CLIC4: variants seen among roughly 807,000 people sequenced by gnomAD.
The protein encoded by CLIC4 is CLIC family member 4, also known as chloride intracellular channel protein 4.
A neutral mutation model predicts 24.6 loss-of-function variants in CLIC4; 13 were observed. The ratio of observed to expected loss-of-function variants is 0.53; its 90% CI spans 0.34 to 0.84. CLIC4 has a LOEUF of 0.84. Among genes scored for constraint, CLIC4 ranks in the 40% least tolerant of loss-of-function variants. The pLI is 0.01. For missense variants in CLIC4, 227 were observed against 301.7 expected (o/e 0.75, Z 1.83); for synonymous variants, 104 against 111.3 (o/e 0.93, Z 0.41).
chr1:24,840,699 C>T, intron 5 of CLIC4, 74 bp from the exon 6 acceptor site: 1 of 1,269,198 alleles, frequency 7.9e-7, no homozygotes. Flanking sequence ...ATTATTTGCT[C>T]CAAAATCAGA....
chr1:24,786,302 G>T (rs1347708555), intron 1 of CLIC4, among the ~76,000 whole-genome samples: 1 of 152,248 alleles, frequency 6.6e-6, no homozygotes, highest in Non-Finnish European at 1.5e-5. Flanking sequence ...TAAGTGAGCA[G>T]TTCCTTAATC....
chr1:24,776,503 A>T (rs922500304), intron 1 of CLIC4, among the ~76,000 whole-genome samples: 4 of 152,220 alleles, frequency 2.6e-5, no homozygotes, highest in African/African-American at 9.6e-5. Context: ...AGAAGACTCA[A>T]ACTTATTTTT....
At chr1:24,754,838 G>T (rs1263906930) in intron 1 of CLIC4, among the ~76,000 whole-genome samples, 1 of 152,002 alleles carries the variant, frequency 6.6e-6, no homozygotes, top group Admixed American at 6.6e-5. Flanking sequence ...TTGGGAGACC[G>T]AGGTGGGTGG....
At chr1:24,772,471 G>A (rs993243109) in intron 1 of CLIC4, among the ~76,000 whole-genome samples, 8 of 152,068 alleles carry the variant, frequency 5.3e-5, no homozygotes, top group African/African-American at 9.7e-5. Flanking sequence ...TAATTTTTGC[G>A]GAAACTAATT....
intron 3 of CLIC4, among the ~76,000 whole-genome samples, chr1:24,821,206 AAAAG>A (rs1639728063): frequency 1.3e-5 from 2 of 151,994 alleles, no homozygotes; most frequent in African/African-American, 4.8e-5. Context: ...AGGAAAAAAA[AAAAG>A]AATTTTCATT....
chr1:24,786,591 A>C (rs1421428243), intron 1 of CLIC4, among the ~76,000 whole-genome samples: 3 of 152,168 alleles, frequency 2.0e-5, no homozygotes, highest in Admixed American at 1.3e-4. Context: ...TTTTCTCTTT[A>C]ATCATTCGAG....
At chr1:24,768,903 C>CAA (rs71032856) in intron 1 of CLIC4, among the ~76,000 whole-genome samples, 1 of 107,282 alleles carries the variant, frequency 9.3e-6, no homozygotes, top group Non-Finnish European at 1.9e-5. Context: ...TCTGCCTCAC[C>CAA]AAAAAAAAAA....
chr1:24,805,299 A>G (rs1294372807), intron 2 of CLIC4, among the ~76,000 whole-genome samples: 1 of 152,108 alleles, frequency 6.6e-6, no homozygotes, highest in Non-Finnish European at 1.5e-5. Flanking sequence ...CTTAGTGACA[A>G]GGGGTCTTGG....
intron 1 of CLIC4, among the ~76,000 whole-genome samples, chr1:24,771,583 G>A (rs1169177129): frequency 6.6e-6 from 1 of 151,830 alleles, no homozygotes; most frequent in Non-Finnish European, 1.5e-5. Flanking sequence ...AATTCAGTAA[G>A]CATTTATTAG....
In CLIC4 at chr1:24,835,649, G is replaced by C. The variant is rs990920250; in HGVS notation, c.416-4211G>C. 2.6e-5 allele frequency among the ~76,000 whole-genome samples: 4 copies of C among 152,130 alleles called. No individual in the cohort carries two copies. In the East Asian group the frequency reaches 7.7e-4, roughly 29 times the overall value. ...TATAGGACAGAAAGGAGGTTAATGGGGTTCTAAGGTCTTTGCATTATCCTG... is the reference window on the plus strand; with the variant it reads ...TATAGGACAGAAAGGAGGTTAATGGCGTTCTAAGGTCTTTGCATTATCCTG... On this transcript the variant is annotated intron_variant, in intron 4 of 5. Coordinates refer to ENST00000374379, the MANE Select transcript of CLIC4 (RefSeq NM_013943.3).
chr1:24,790,686 G>C (rs1639323835), intron 1 of CLIC4, among the ~76,000 whole-genome samples: 1 of 152,108 alleles, frequency 6.6e-6, no homozygotes, highest in Admixed American at 6.6e-5. Context: ...ACTCTGTTAG[G>C]CCTCCTCTGA....
intron 4 of CLIC4, among the ~76,000 whole-genome samples, chr1:24,836,367 C>T (rs1364063003): frequency 6.6e-6 from 1 of 152,092 alleles, no homozygotes; most frequent in Non-Finnish European, 1.5e-5. Flanking sequence ...AATTTAATCT[C>T]ATATATGTAT....
At chr1:24,818,764 A>G (rs536124703) in intron 3 of CLIC4, among the ~76,000 whole-genome samples, 1 of 151,818 alleles carries the variant, frequency 6.6e-6, no homozygotes, top group Non-Finnish European at 1.5e-5. Context: ...AAGTGAATGG[A>G]ATCAGGAAAG....
intron 1 of CLIC4, among the ~76,000 whole-genome samples, chr1:24,786,817 A>C (rs1373782661): frequency 6.6e-6 from 1 of 151,926 alleles, no homozygotes; most frequent in Non-Finnish European, 1.5e-5. Context: ...ACGAGGTTTC[A>C]CCATGTTAGC....
At chr1:24,792,169 T>C (rs1395130092) in intron 1 of CLIC4, among the ~76,000 whole-genome samples, 6 of 151,292 alleles carry the variant, frequency 4.0e-5, no homozygotes, top group South Asian at 2.1e-4. Flanking sequence ...TGTGTATATG[T>C]GTATGTGTGT....
intron 4 of CLIC4, among the ~76,000 whole-genome samples, chr1:24,836,243 G>T (rs1422329190): frequency 6.6e-6 from 1 of 152,040 alleles, no homozygotes; most frequent in African/African-American, 2.4e-5. Flanking sequence ...AACTAAAAGA[G>T]ACAGATCAAT....
At chr1:24,770,957 A>G (rs1052014779) in intron 1 of CLIC4, among the ~76,000 whole-genome samples, 6 of 152,216 alleles carry the variant, frequency 3.9e-5, no homozygotes, top group African/African-American at 1.4e-4. Flanking sequence ...GAATGATGGA[A>G]TAAATCTGCT....
chr1:24,832,157 A>G (rs1639848092), intron 4 of CLIC4, among the ~76,000 whole-genome samples: 1 of 152,220 alleles, frequency 6.6e-6, no homozygotes, highest in Non-Finnish European at 1.5e-5. Flanking sequence ...TGCTGGCCTG[A>G]ATATAATTAA....
intron 2 of CLIC4, among the ~76,000 whole-genome samples, chr1:24,811,406 C>T (rs1214219296): frequency 6.6e-6 from 1 of 152,158 alleles, no homozygotes; most frequent in Non-Finnish European, 1.5e-5. Flanking sequence ...AATGGATCAC[C>T]TGGTGAAAGG....
Sources: allele counts gnomAD v4.1 joint callset (sites outside exome capture counted in the v4.1 genomes callset), GRCh38; gene constraint gnomAD v4.1.1; transcripts MANE v1.5; gene names NCBI Gene and HGNC (gene_info 2026-07-23, HGNC 2026-07-21).